The following FGF13 variants were observed in gnomAD, a reference collection of about 807,000 sequenced individuals.
The protein encoded by FGF13 is fibroblast growth factor homologous factor 2.
Under a neutral mutation model 19.5 loss-of-function variants are expected in FGF13, and 2 were observed. That is an observed-to-expected ratio of 0.10 (90% CI 0.04 to 0.32). FGF13 has a LOEUF of 0.32. Ranked by LOEUF, FGF13 falls within the 10% of genes least tolerant of loss-of-function variation. The pLI is 1.00. For missense variants in FGF13, 113 were observed against 192.7 expected (o/e 0.59, Z 2.45); for synonymous variants, 72 against 76.9 (o/e 0.94, Z 0.33).
intron 3 of FGF13, among the ~76,000 whole-genome samples, chrX:138,796,844 G>A (rs891911629): frequency 1.7e-4 from 19 of 111,981 alleles, no homozygotes; most frequent in African/African-American, 3.9e-4. Context: ...TTTGTTGGCC[G>A]CATAAATGTC....
intron 3 of FGF13, among the ~76,000 whole-genome samples, chrX:138,779,183 A>C (rs2090616871): frequency 9.1e-6 from 1 of 110,408 alleles, no homozygotes; most frequent in Admixed American, 9.6e-5. Context: ...ATCATCAAAG[A>C]CCAAAAGTAG....
chrX:138,944,672 G>A lies in FGF13; in HGVS notation c.-112-80022C>T, dbSNP rs1009556381. On this transcript the variant is annotated intron_variant, in intron 1 of 2. Transcript: ENST00000421460. The stretch of plus-strand genomic sequence containing the variant: ...TAGATCATTTCTAAGGGCCCCTCAA[G>A]TTCGAAAATCCTCTAAAGCACTCTT... Among the ~76,000 whole-genome samples the A allele has an allele frequency of 2.4e-4, 27 of 110,998 alleles. 1 individual carries two copies. Among genetic ancestry groups the A allele is most frequent in the Non-Finnish European group, 3.6e-4 (19 of 52,953 alleles).
chrX:138,889,461 G>C (rs1197799540), intron 1 of FGF13, among the ~76,000 whole-genome samples: 1 of 111,704 alleles, frequency 9.0e-6, no homozygotes, highest in Non-Finnish European at 1.9e-5. Flanking sequence ...AAAATCCTTT[G>C]ATTTGGTGTC....
intron 1 of FGF13, among the ~76,000 whole-genome samples, chrX:138,916,199 C>A (rs2091617489): frequency 9.0e-6 from 1 of 111,641 alleles, no homozygotes; most frequent in Admixed American, 9.6e-5. Context: ...ATCTCACTCT[C>A]CAAGTCTAGG....
chrX:138,895,567 A>G (rs2091500022), intron 1 of FGF13, among the ~76,000 whole-genome samples: 1 of 112,221 alleles, frequency 8.9e-6, no homozygotes, highest in African/African-American at 3.2e-5. Context: ...GGGAATGTAC[A>G]TTGGTACAGC....
At chrX:139,182,840 G>A (rs1167708408) in intron 1 of FGF13, among the ~76,000 whole-genome samples, 1 of 111,785 alleles carries the variant, frequency 8.9e-6, no homozygotes, top group Non-Finnish European at 1.9e-5. Flanking sequence ...CATGTATAAT[G>A]CTAACCAAAT....
At chrX:139,150,205 G>A (rs1396513673) in intron 1 of FGF13, among the ~76,000 whole-genome samples, 1 of 111,249 alleles carries the variant, frequency 9.0e-6, no homozygotes, top group Admixed American at 9.6e-5. Flanking sequence ...AGAAACTCCA[G>A]CCCAAGAACT....
At chrX:139,171,908 T>C (rs190001372) in intron 1 of FGF13, among the ~76,000 whole-genome samples, 1 of 112,292 alleles carries the variant, frequency 8.9e-6, no homozygotes, top group African/African-American at 3.2e-5. Flanking sequence ...TCATAAACTT[T>C]TCAAGAGTAA....
intron 1 of FGF13, among the ~76,000 whole-genome samples, chrX:138,987,437 T>C (rs375895482): frequency 8.9e-6 from 1 of 111,817 alleles, no homozygotes; most frequent in East Asian, 2.8e-4. Context: ...TGCAAGTAGC[T>C]CCAGATGTGC....
upstream of FGF13, among the ~76,000 whole-genome samples, chrX:138,741,755 C>A (rs1156351450): frequency 8.9e-6 from 1 of 111,850 alleles, no homozygotes; most frequent in African/African-American, 3.3e-5. Context: ...AGAAGTATGA[C>A]AAATGGAAGG....
chrX:139,042,289 G>A (rs1041165304), intron 1 of FGF13, among the ~76,000 whole-genome samples: 3 of 112,008 alleles, frequency 2.7e-5, no homozygotes, highest in Non-Finnish European at 5.6e-5. Context: ...CGGAACATGG[G>A]TTTTGGGTAT....
intron 1 of FGF13, among the ~76,000 whole-genome samples, chrX:138,865,499 T>TCTCTCTCTC (rs1306947276): frequency 1.6e-4 from 16 of 100,780 alleles, no homozygotes; most frequent in South Asian, 5.2e-4. Flanking sequence ...CTCTCTCTCC[T>TCTCTCTCTC]CTCTCTCTCC....
intron 1 of FGF13, among the ~76,000 whole-genome samples, chrX:138,954,129 G>A (rs2091829643): frequency 1.3e-5 from 1 of 78,048 alleles, no homozygotes; most frequent in South Asian, 5.7e-4. Context: ...AGAGGAGAGA[G>A]CATACAAATT....
chrX:138,742,075 T>G (rs2090322838), upstream of FGF13, among the ~76,000 whole-genome samples: 1 of 111,836 alleles, frequency 8.9e-6, no homozygotes, highest in Non-Finnish European at 1.9e-5. Flanking sequence ...AAGAATTTTC[T>G]GCCAGCCCCT....
At chrX:138,804,194 C>T (rs921995649) in intron 3 of FGF13, among the ~76,000 whole-genome samples, 2 of 112,031 alleles carry the variant, frequency 1.8e-5, no homozygotes, top group African/African-American at 6.5e-5. Flanking sequence ...AGCTCCCTAA[C>T]AAGGAAAAGG....
intron 1 of FGF13, among the ~76,000 whole-genome samples, chrX:138,985,700 CTT>C (rs1323007902): frequency 9.0e-6 from 1 of 111,548 alleles, no homozygotes; most frequent in Non-Finnish European, 1.9e-5. Context: ...GCCTAAGTGT[CTT>C]ATCACTTAGT....
rs141568850 is a variant in FGF13, at chrX:138,941,719, G to T, written c.-112-77069C>A. Reference sequence around the variant, plus strand: ...AACCTCATGGGATGATATTTAAGTGGAAAGTCCCTGCTTCTGAAATTTGAA... The same window carrying T: ...AACCTCATGGGATGATATTTAAGTGTAAAGTCCCTGCTTCTGAAATTTGAA... On this transcript the variant is annotated intron_variant, in intron 1 of 2. Transcript: ENST00000421460. 3.0e-3 allele frequency among the ~76,000 whole-genome samples: 334 copies of T among 112,044 alleles called. 3 individuals carry two copies. Among genetic ancestry groups the T allele is most frequent in the Non-Finnish European group, 5.4e-3 (287 of 53,193 alleles).
chrX:138,982,141 A>G (rs996334256), intron 1 of FGF13, among the ~76,000 whole-genome samples: 2 of 111,481 alleles, frequency 1.8e-5, no homozygotes, highest in Non-Finnish European at 1.9e-5. Flanking sequence ...CGTTAAGGTC[A>G]GGAATGCAGG....
intron 1 of FGF13, among the ~76,000 whole-genome samples, chrX:138,951,949 CA>C (rs754282861): frequency 0.013 from 1,401 of 111,671 alleles, 29 homozygotes; most frequent in African/African-American, 0.043. Context: ...AATGGAAGAA[CA>C]TTCCATGCTC....
Sources: gnomAD v4.1 joint callset for allele counts (sites outside exome capture counted in the v4.1 genomes callset) on GRCh38, gnomAD v4.1.1 for gene constraint, MANE v1.5 for transcripts, NCBI Gene and HGNC (gene_info 2026-07-23, HGNC 2026-07-21) for gene names.